The following SLC37A3 variants were observed in gnomAD, a reference collection of about 807,000 sequenced individuals.
SLC37A3 encodes sugar phosphate exchanger 3.
A neutral mutation model predicts 67.1 loss-of-function variants in SLC37A3; 51 were observed. The observed-to-expected ratio is 0.76, with a 90% CI of 0.61 to 0.96. The LOEUF (loss-of-function observed/expected upper bound fraction) is 0.96. Ranked by LOEUF, SLC37A3 falls within the 40% of genes least tolerant of loss-of-function variation. The probability of loss-of-function intolerance (pLI) is 0.00; values close to 1 mark genes in which losing one functional copy is unlikely to be tolerated. For synonymous variants in SLC37A3, 214 were observed against 231.4 expected, an observed-to-expected ratio of 0.92 and a Z score of 0.68; for missense variants, 508 against 603.0, an observed-to-expected ratio of 0.84 and a Z score of 1.65.
intron 10 of SLC37A3, among the ~76,000 whole-genome samples, chr7:140,347,288 T>C (rs1259835408): frequency 1.3e-5 from 2 of 149,610 alleles, no homozygotes; most frequent in Non-Finnish European, 2.9e-5. Context: ...CTAGTAAATA[T>C]TCACTAAAAT....
Position 140,369,653 on chromosome 7 carries a change from A to G in SLC37A3, c.228T>C (p.Ser76=). 1 of 1,614,060 alleles carries G rather than the reference A, an allele frequency of 6.2e-7. No individual in the cohort carries two copies. ...EIWSSNHLFP[S]AEKATLFLGT... ...CGAGGAAAAGAGTCGCTTTCTCTGC[A>G]CTGGGGAACAAATGGTTGCTGCTCC... The change falls in exon 4 of 15, where the codon AGT becomes AGC. Residue 76 remains serine (S), a synonymous_variant. Transcript: ENST00000326232.
chr7:140,372,862 C>CAA (rs765302688), intron 3 of SLC37A3, among the ~76,000 whole-genome samples: 1 of 129,782 alleles, frequency 7.7e-6, no homozygotes, highest in Non-Finnish European at 1.7e-5. Context: ...GACTCTATCT[C>CAA]AAAAAAAAAA....
chr7:140,386,463 A>ATAATAATAAT (rs1055270517), intron 1 of SLC37A3, among the ~76,000 whole-genome samples: 1 of 150,644 alleles, frequency 6.6e-6, no homozygotes, highest in Non-Finnish European at 1.5e-5. Context: ...AATAATAATA[A>ATAATAATAAT]TAATAATAAT....
At chr7:140,360,232 G>A (rs1309124092) in intron 5 of SLC37A3, among the ~76,000 whole-genome samples, 1 of 152,164 alleles carries the variant, frequency 6.6e-6, no homozygotes, top group Non-Finnish European at 1.5e-5. Flanking sequence ...TACAGTCCCA[G>A]CTACACGGGA....
At chr7:140,363,712 A>AT (rs979135120) in intron 5 of SLC37A3, among the ~76,000 whole-genome samples, 5 of 126,614 alleles carry the variant, frequency 3.9e-5, no homozygotes, top group African/African-American at 1.2e-4. Context: ...AAATAAAAAA[A>AT]TAAAAAAAAA....
intron 13 of SLC37A3, among the ~76,000 whole-genome samples, chr7:140,339,899 G>C (rs1796290481): frequency 6.6e-6 from 1 of 151,980 alleles, no homozygotes; most frequent in Non-Finnish European, 1.5e-5. Flanking sequence ...ACAACGCCCA[G>C]CCAATTTTTC....
chr7:140,397,772 G>A (rs1798996814), intron 1 of SLC37A3, among the ~76,000 whole-genome samples: 1 of 152,010 alleles, frequency 6.6e-6, no homozygotes, highest in Non-Finnish European at 1.5e-5. Context: ...TTCAGTAAGA[G>A]TTACCACGAG....
At chr7:140,360,946 T>G (rs1666842592) in intron 5 of SLC37A3, among the ~76,000 whole-genome samples, 1 of 151,964 alleles carries the variant, frequency 6.6e-6, no homozygotes, top group South Asian at 2.1e-4. Flanking sequence ...TCTGTGATTT[T>G]AACCACTGCA....
intron 5 of SLC37A3, among the ~76,000 whole-genome samples, chr7:140,362,867 T>C (rs1370885955): frequency 2.0e-5 from 1 of 50,482 alleles, no homozygotes; most frequent in Non-Finnish European, 4.0e-5. Flanking sequence ...GAGGAGCCCC[T>C]CTGCCCGGCC....
intron 5 of SLC37A3, among the ~76,000 whole-genome samples, chr7:140,364,205 C>T (rs1585313998): frequency 6.7e-6 from 1 of 150,132 alleles, no homozygotes; most frequent in Non-Finnish European, 1.5e-5. Context: ...GAGCTGAGAT[C>T]GCACCACTGC....
intron 1 of SLC37A3, among the ~76,000 whole-genome samples, chr7:140,394,941 C>G (rs1293533643): frequency 6.6e-6 from 1 of 151,904 alleles, no homozygotes; most frequent in Non-Finnish European, 1.5e-5. Flanking sequence ...AGCAATCTCT[C>G]TCAAACGATG....
rs78524463 is a variant in SLC37A3 at position 140,352,593 on chromosome 7, G to A, written c.619-447C>T. On this transcript the variant is annotated intron_variant, in intron 7 of 14. Coordinates refer to ENST00000326232, the MANE Select transcript of SLC37A3 (RefSeq NM_207113.3). ...CCCAATCCTACTGAGAAACATATAC[G>A]GGAATCCAGATGAAGGAAAGAGCTG... Among the ~76,000 whole-genome samples the A allele has an allele frequency of 1.4e-3, 207 of 152,196 alleles. 2 individuals carry two copies. The highest frequency in any genetic ancestry group is 0.012 in the South Asian group (59 of 4,826).
chr7:140,364,258 GAA>G lies in SLC37A3; in HGVS notation c.375+148_375+149del, dbSNP rs372912763. The G allele has an allele frequency of 8.5e-3, 4,346 of 510,300 alleles. 128 individuals are homozygous for G. Among genetic ancestry groups the G allele is most frequent in the African/African-American group, 0.084 (3,866 of 45,930 alleles). 31.6% of individuals were successfully genotyped at this position (510,300 alleles called of 1,614,324 possible). A position where few individuals can be genotyped will look rare whatever the true frequency, so the allele number is the denominator to read the frequency against. On this transcript the variant is annotated intron_variant, in intron 5 of 14. Coordinates refer to ENST00000326232, the MANE Select transcript of SLC37A3 (RefSeq NM_207113.3). The stretch of plus-strand genomic sequence containing the variant: ...TAGAGCAAGATTCTGTCTCGGGGGG[GAA>G]AAAAAAGACTCATCTAAGTGAAAAG...
intron 5 of SLC37A3, among the ~76,000 whole-genome samples, chr7:140,360,665 T>C (rs1304592718): frequency 6.8e-6 from 1 of 146,902 alleles, no homozygotes; most frequent in Non-Finnish European, 1.5e-5. Context: ...ATCTGGGAAG[T>C]GGAGGTTGCA....
chr7:140,353,873 G>A (rs78715306), intron 7 of SLC37A3, among the ~76,000 whole-genome samples: 15,292 of 151,770 alleles, frequency 0.1, 833 homozygotes, highest in South Asian at 0.19. Flanking sequence ...GACCACGCCC[G>A]GCTAATTTTT....
intron 1 of SLC37A3, among the ~76,000 whole-genome samples, chr7:140,387,853 T>TATATAAATATAAATATATTATATATA (rs1193717884): frequency 1.4e-4 from 10 of 71,298 alleles, no homozygotes; most frequent in Non-Finnish European, 2.2e-4. Context: ...ATATATATAT[T>TATATAAATATAAATATATTATATATA]AGTCGGGTGT....
intron 1 of SLC37A3, among the ~76,000 whole-genome samples, chr7:140,385,170 A>G (rs186703424): frequency 1.3e-3 from 204 of 152,350 alleles, no homozygotes; most frequent in Admixed American, 2.9e-3. Flanking sequence ...TGACATATTC[A>G]GATAATTATA....
At chr7:140,349,604 G>T (rs933940352) in intron 9 of SLC37A3, among the ~76,000 whole-genome samples, 2 of 152,240 alleles carry the variant, frequency 1.3e-5, no homozygotes, top group East Asian at 1.9e-4. Context: ...CCCTGGAGCT[G>T]CCAGTTATTC....
chr7:140,361,297 A>T (rs1797262118), intron 5 of SLC37A3, among the ~76,000 whole-genome samples: 1 of 151,998 alleles, frequency 6.6e-6, no homozygotes, highest in African/African-American at 2.4e-5. Flanking sequence ...AGCCTGACCA[A>T]CATGGAGAAA....
Sources: gnomAD v4.1 joint callset for allele counts (sites outside exome capture counted in the v4.1 genomes callset) on GRCh38, gnomAD v4.1.1 for gene constraint, MANE v1.5 for transcripts, NCBI Gene and HGNC (gene_info 2026-07-23, HGNC 2026-07-21) for gene names.